CEP20: variants seen among roughly 807,000 people sequenced by gnomAD.
CEP20 encodes FGFR1OP N-terminal like.
Under a neutral mutation model 20.0 loss-of-function variants are expected in CEP20, and 18 were observed. The ratio of observed to expected loss-of-function variants is 0.90; its 90% CI spans 0.62 to 1.34. The LOEUF (loss-of-function observed/expected upper bound fraction) is 1.34, where lower values mean the gene tolerates loss of function less well. CEP20 is among the 40% of genes most tolerant of loss of function. The pLI is 0.00. For missense variants in CEP20, 215 were observed against 201.6 expected, an observed-to-expected ratio of 1.07 and a Z score of -0.40; for synonymous variants, 77 against 73.7, an observed-to-expected ratio of 1.04 and a Z score of -0.23.
chr16:15,879,967 CCAGA>C (rs2045061451), intron 2 of CEP20, 79 bp from the exon 3 acceptor site: 1 of 934,704 alleles, frequency 1.1e-6, no homozygotes, highest in Admixed American at 2.8e-5. Context: ...ATCACATTTA[CCAGA>C]CATACACTTT....
intron 3 of CEP20, among the ~76,000 whole-genome samples, chr16:15,873,959 C>T (rs748321129): frequency 7.2e-5 from 11 of 152,192 alleles, no homozygotes; most frequent in Non-Finnish European, 1.3e-4. Context: ...TACCTAACCC[C>T]ATCTAATACA....
intron 1 of CEP20, among the ~76,000 whole-genome samples, chr16:15,884,586 C>T (rs1417579784): frequency 1.8e-4 from 27 of 152,216 alleles, no homozygotes; most frequent in Admixed American, 1.8e-3. Context: ...ACTGCAACCT[C>T]TGCCTCCCAG....
At chr16:15,888,271 G>C (rs372551463) in intron 1 of CEP20, among the ~76,000 whole-genome samples, 1 of 152,080 alleles carries the variant, frequency 6.6e-6, no homozygotes, top group African/African-American at 2.4e-5. Context: ...GATGAGCCAG[G>C]GGCCCAAGAT....
rs574112140 is a variant in CEP20, at chr16:15,866,791, T to C, written c.*649A>G. 3 of 152,356 alleles carry C rather than the reference T, an allele frequency of 2.0e-5. No homozygotes were observed. In the South Asian group the frequency reaches 6.2e-4, roughly 32 times the overall value. The allele number at this position is 152,356 out of a possible 1,614,324, so 9.4% of individuals were successfully genotyped here. ...ATTATTACAGCAAATTTACTTCTCCTCTACCTTTTAATTAAATCTTCCAGT... is the reference window on the plus strand; with the variant it reads ...ATTATTACAGCAAATTTACTTCTCCCCTACCTTTTAATTAAATCTTCCAGT... On this transcript the variant is annotated 3_prime_UTR_variant, in exon 5 of 5. Transcript: ENST00000255759.
intron 3 of CEP20, among the ~76,000 whole-genome samples, chr16:15,876,550 C>A (rs59651178): frequency 0.069 from 10,524 of 152,136 alleles, 487 homozygotes; most frequent in East Asian, 0.22. Context: ...ACTGCAGCCT[C>A]AATCTCCTGG....
chr16:15,878,881 G>A (rs976748834), intron 3 of CEP20, among the ~76,000 whole-genome samples: 1 of 152,118 alleles, frequency 6.6e-6, no homozygotes, highest in Non-Finnish European at 1.5e-5. Context: ...CTTCCAAAGT[G>A]CTGGCATTAC....
intron 4 of CEP20, among the ~76,000 whole-genome samples, chr16:15,872,278 C>A (rs1052262535): frequency 1.3e-5 from 2 of 151,536 alleles, no homozygotes; most frequent in African/African-American, 4.9e-5. Flanking sequence ...CACACCACTA[C>A]ACTCTAGCCT....
At chr16:15,881,887 C>A (rs897074240) in intron 2 of CEP20, among the ~76,000 whole-genome samples, 16 of 152,172 alleles carry the variant, frequency 1.1e-4, no homozygotes, top group Non-Finnish European at 2.2e-4. Flanking sequence ...CAATATCATT[C>A]TCTGCCTCCT....
At chr16:15,871,921 G>A (rs565328345) in intron 4 of CEP20, among the ~76,000 whole-genome samples, 2 of 132,738 alleles carry the variant, frequency 1.5e-5, no homozygotes, top group South Asian at 2.3e-4. Context: ...CATTTTAGGC[G>A]TTTCCTAAAA....
intron 4 of CEP20, among the ~76,000 whole-genome samples, chr16:15,869,748 A>T (rs2044768457): frequency 1.3e-5 from 2 of 152,216 alleles, no homozygotes; most frequent in Non-Finnish European, 2.9e-5. Context: ...GCTGTCAAAT[A>T]AGAGTTACGG....
At chr16:15,882,779 CT>C (rs59287406) in intron 2 of CEP20, among the ~76,000 whole-genome samples, 3,886 of 32,354 alleles carry the variant, frequency 0.12, 89 homozygotes, top group East Asian at 0.31. Context: ...ATCTATCTAT[CT>C]AGATACACAC....
intron 2 of CEP20, among the ~76,000 whole-genome samples, chr16:15,883,596 G>A (rs936320532): frequency 6.6e-6 from 1 of 152,026 alleles, no homozygotes; most frequent in Non-Finnish European, 1.5e-5. Flanking sequence ...GCGAACTCCT[G>A]GGCTCAAGTA....
At chr16:15,870,906 T>C (rs532287625) in intron 4 of CEP20, among the ~76,000 whole-genome samples, 2 of 152,178 alleles carry the variant, frequency 1.3e-5, no homozygotes, top group South Asian at 2.1e-4. Context: ...AAAAAGCAAA[T>C]TGCAGGATAA....
At chr16:15,872,803 C>G (rs1196021072) in intron 4 of CEP20, among the ~76,000 whole-genome samples, 3 of 151,116 alleles carry the variant, frequency 2.0e-5, no homozygotes, top group Non-Finnish European at 4.4e-5. Context: ...TAAAAGCTAC[C>G]AAAAGCTCAT....
intron 1 of CEP20, 40 bp from the exon 2 acceptor site, chr16:15,884,245 A>T: frequency 1.9e-6 from 3 of 1,555,698 alleles, no homozygotes. Flanking sequence ...TTACAGAGTA[A>T]ATTTGTCATT....
intron 2 of CEP20, among the ~76,000 whole-genome samples, chr16:15,881,957 A>C (rs1193807064): frequency 6.6e-6 from 1 of 152,020 alleles, no homozygotes; most frequent in East Asian, 1.9e-4. Context: ...TCTCCGCCCA[A>C]ATCTCATGTT....
At chr16:15,869,087 GAAAAAAAA>G (rs2044751416) in intron 4 of CEP20, among the ~76,000 whole-genome samples, 1 of 133,054 alleles carries the variant, frequency 7.5e-6, no homozygotes, top group African/African-American at 2.8e-5. Flanking sequence ...AAAAAAAAAA[GAAAAAAAA>G]TGTGTGTGTG....
At chr16:15,882,928 G>C (rs1384813592) in intron 2 of CEP20, 2 of 151,884 alleles carry the variant, frequency 1.3e-5, no homozygotes, top group Non-Finnish European at 2.9e-5. Context: ...ACAAAAATTC[G>C]CCGGGCCTGG....
At chr16:15,874,165 C>G (rs1000282587) in intron 3 of CEP20, among the ~76,000 whole-genome samples, 93 of 152,266 alleles carry the variant, frequency 6.1e-4, no homozygotes, top group African/African-American at 2.2e-3. Flanking sequence ...ACCGTCCCTC[C>G]CTTATAGGGC....
Sources: gnomAD v4.1 joint callset for allele counts (sites outside exome capture counted in the v4.1 genomes callset) on GRCh38, gnomAD v4.1.1 for gene constraint, MANE v1.5 for transcripts, NCBI Gene and HGNC (gene_info 2026-07-23, HGNC 2026-07-21) for gene names.